Variants in ATOSA observed in about 807,000 individuals in gnomAD.
ATOSA encodes the protein atos homolog A, also known as atos homolog protein A.
chr15:52,634,610 T>G, the ATOSA span, among the ~76,000 whole-genome samples: 1 of 150,752 alleles, frequency 6.6e-6, no homozygotes, highest in Non-Finnish European at 1.5e-5. Flanking sequence ...TTTTCTTTTT[T>G]TTTTTTTTTG....
At chr15:52,601,373 C>A in the ATOSA span, among the ~76,000 whole-genome samples, 2 of 151,938 alleles carry the variant, frequency 1.3e-5, no homozygotes, top group South Asian at 2.1e-4. Flanking sequence ...CAAATAAAAG[C>A]ACTTTTACTA....
the ATOSA span, among the ~76,000 whole-genome samples, chr15:52,643,818 C>T: frequency 1.3e-5 from 2 of 151,668 alleles, no homozygotes; most frequent in Admixed American, 6.6e-5. Flanking sequence ...GAGGCTGAGG[C>T]GGGAGAATCA....
the ATOSA span, chr15:52,582,203 T>G: frequency 6.3e-7 from 1 of 1,599,236 alleles, no homozygotes; most frequent in Non-Finnish European, 8.5e-7. Flanking sequence ...AGTGTAAGAT[T>G]TGAGTTCATA....
chr15:52,588,270 G>C, the ATOSA span, among the ~76,000 whole-genome samples: 5 of 152,174 alleles, frequency 3.3e-5, no homozygotes, highest in Non-Finnish European at 7.3e-5. Flanking sequence ...ATATGAAGTA[G>C]TTTTTCTCAG....
the ATOSA span, among the ~76,000 whole-genome samples, chr15:52,708,960 T>C: frequency 1.3e-5 from 2 of 152,038 alleles, no homozygotes; most frequent in African/African-American, 4.8e-5. Flanking sequence ...CCCAGTCAGG[T>C]AACACAATTC....
chr15:52,686,380 T>C, the ATOSA span, among the ~76,000 whole-genome samples: 1 of 152,228 alleles, frequency 6.6e-6, no homozygotes, highest in Non-Finnish European at 1.5e-5. Flanking sequence ...ATCGGGTATT[T>C]CAGAAAAGCA....
At chr15:52,636,955 C>T in the ATOSA span, among the ~76,000 whole-genome samples, 1 of 152,072 alleles carries the variant, frequency 6.6e-6, no homozygotes, top group Non-Finnish European at 1.5e-5. Context: ...ATTCCACTAC[C>T]AATTATTGTG....
the ATOSA span, among the ~76,000 whole-genome samples, chr15:52,629,064 A>C: frequency 6.6e-6 from 1 of 152,222 alleles, no homozygotes; most frequent in Non-Finnish European, 1.5e-5. Flanking sequence ...CCTTCAATCT[A>C]TAAGTGTCCA....
the ATOSA span, among the ~76,000 whole-genome samples, chr15:52,630,856 A>G: frequency 6.6e-6 from 1 of 152,262 alleles, no homozygotes; most frequent in African/African-American, 2.4e-5. Context: ...GTACAAGAAT[A>G]ATAACCTACA....
At chr15:52,655,407 GAC>G in the ATOSA span, among the ~76,000 whole-genome samples, 1 of 152,042 alleles carries the variant, frequency 6.6e-6, no homozygotes, top group African/African-American at 2.4e-5. Context: ...TGATCACAAA[GAC>G]AACGATAAAA....
At chr15:52,644,143 G>A in the ATOSA span, among the ~76,000 whole-genome samples, 1 of 149,544 alleles carries the variant, frequency 6.7e-6, no homozygotes, top group Non-Finnish European at 1.5e-5. Flanking sequence ...GGCTGGTTTT[G>A]AACTCCTGGC....
chr15:52,701,346 G>A, the ATOSA span, among the ~76,000 whole-genome samples: 1 of 152,180 alleles, frequency 6.6e-6, no homozygotes, highest in African/African-American at 2.4e-5. Flanking sequence ...AGCTGAGGCT[G>A]GAGAATCACT....
At chr15:52,628,570 T>C in the ATOSA span, among the ~76,000 whole-genome samples, 1 of 152,218 alleles carries the variant, frequency 6.6e-6, no homozygotes, top group African/African-American at 2.4e-5. Flanking sequence ...CATAACTATT[T>C]ACTACAGTAA....
the ATOSA span, among the ~76,000 whole-genome samples, chr15:52,700,136 A>G: frequency 1.3e-5 from 2 of 152,186 alleles, no homozygotes; most frequent in Non-Finnish European, 2.9e-5. Flanking sequence ...CTTTTCTACT[A>G]CATTTCTTTT....
the ATOSA span, among the ~76,000 whole-genome samples, chr15:52,584,090 G>GAAAAAA: frequency 4.1e-4 from 17 of 41,754 alleles, no homozygotes; most frequent in African/African-American, 4.7e-4. Flanking sequence ...GTCTCAAGAA[G>GAAAAAA]AAAAAAAAAA....
chr15:52,614,000 T>C, the ATOSA span: 19 of 772,758 alleles, frequency 2.5e-5, no homozygotes, highest in East Asian at 4.6e-4. Flanking sequence ...AATCAAAATA[T>C]ACTAAACTTT....
chr15:52,693,208 T>C, the ATOSA span, among the ~76,000 whole-genome samples: 8 of 152,142 alleles, frequency 5.3e-5, 1 homozygote, highest in African/African-American at 1.9e-4. Flanking sequence ...TCACTTGAGG[T>C]CAGGAGTTTG....
chr15:52,587,441 G>A, the ATOSA span: 1 of 381,700 alleles, frequency 2.6e-6, no homozygotes, highest in Non-Finnish European at 4.7e-6. Context: ...AACATCAATG[G>A]CCACAGCACT....
chr15:52,609,117 C>G, the ATOSA span: 2 of 1,613,388 alleles, frequency 1.2e-6, no homozygotes, highest in Middle Eastern at 1.7e-4. Context: ...TCTGTGTCTC[C>G]TGATACGTAC....
Sources: allele counts gnomAD v4.1 joint callset (sites outside exome capture counted in the v4.1 genomes callset), GRCh38; gene constraint gnomAD v4.1.1; transcripts MANE v1.5; gene names NCBI Gene and HGNC (gene_info 2026-07-23, HGNC 2026-07-21).